The following EDARADD variants were observed in gnomAD, a reference collection of about 807,000 sequenced individuals.
The protein encoded by EDARADD is ectodysplasin-A receptor-associated adapter protein.
In EDARADD, 20 loss-of-function variants were observed where a neutral mutation model predicts 25.6. That is an observed-to-expected ratio of 0.78 (90% CI 0.55 to 1.14). The LOEUF (loss-of-function observed/expected upper bound fraction) is 1.14. Among genes scored for constraint, EDARADD ranks in the 50% most tolerant of loss-of-function variants. EDARADD has a pLI of 0.00. For missense variants in EDARADD, 225 were observed against 270.1 expected (o/e 0.83, Z 1.17); for synonymous variants, 86 against 94.4 (o/e 0.91, Z 0.52).
chr1:236,426,881 T>C (rs1657933892), intron 3 of EDARADD, among the ~76,000 whole-genome samples: 1 of 152,108 alleles, frequency 6.6e-6, no homozygotes, highest in Non-Finnish European at 1.5e-5. Context: ...ACCCTCTGTC[T>C]CTTATTTTTA....
chr1:236,386,905 C>A (rs1322899905), intron 3 of EDARADD, among the ~76,000 whole-genome samples: 21 of 65,208 alleles, frequency 3.2e-4, no homozygotes, highest in East Asian at 2.0e-3. Flanking sequence ...CCAGCCGTGC[C>A]GTCCGGGAGG....
chr1:236,429,219 ATT>A lies in EDARADD; in HGVS notation c.219+1787_219+1788del, dbSNP rs754804481. ...GGGAGCGGGAGCGGGAGAGGGAGAG[ATT>A]TTTTTTTTTTTTTTTTTGAGGCAGT... On this transcript the variant is annotated intron_variant, in intron 4 of 5. Transcript: ENST00000334232. Among the ~76,000 whole-genome samples, 205 of 122,106 alleles carry A rather than the reference ATT, an allele frequency of 1.7e-3. 1 individual carries two copies. Among genetic ancestry groups the A allele is most frequent in the South Asian group, 0.016 (58 of 3,708 alleles). The allele number at this position is 122,106 out of a possible 152,430, so 80.1% of individuals were successfully genotyped here. A position where few individuals can be genotyped will look rare whatever the true frequency, so the allele number is the denominator to read the frequency against.
At chr1:236,357,146 A>T (rs644495) in intron 3 of EDARADD, among the ~76,000 whole-genome samples, 52,254 of 151,184 alleles carry the variant, frequency 0.35, 9,307 homozygotes, top group African/African-American at 0.44. Context: ...TTTCATTAAA[A>T]CTTAATCTTT....
Position 236,467,449 on chromosome 1 carries a change from CACACACAT to C in EDARADD, c.220-774_220-767del, listed in dbSNP as rs1553270579. Among the ~76,000 whole-genome samples the C allele has an allele frequency of 7.6e-3, 1,147 of 151,564 alleles. 24 individuals are homozygous for C. The highest frequency in any genetic ancestry group is 0.026 in the African/African-American group (1,092 of 41,280). On this transcript the variant is annotated intron_variant, in intron 4 of 5. Coordinates refer to ENST00000334232, the MANE Select transcript of EDARADD (RefSeq NM_145861.4). The stretch of plus-strand genomic sequence containing the variant: ...GCGCACACACACACACACACACACA[CACACACAT>C]ACACACACCTGTCCAAGATCAGAAA...
At chr1:236,473,099 G>C (rs79979307) in intron 5 of EDARADD, among the ~76,000 whole-genome samples, 24,658 of 152,182 alleles carry the variant, frequency 0.16, 2,566 homozygotes, top group Non-Finnish European at 0.23. Flanking sequence ...CTGTGTGCCT[G>C]GTGTGCAGCA....
chr1:236,407,466 A>G (rs1446396290), intron 1 of EDARADD, among the ~76,000 whole-genome samples: 1 of 150,400 alleles, frequency 6.6e-6, no homozygotes, highest in African/African-American at 2.5e-5. Context: ...TGCAGGGCAA[A>G]GAAACTGTGG....
chr1:236,390,277 C>T (rs925179233), upstream of EDARADD, among the ~76,000 whole-genome samples: 1 of 152,122 alleles, frequency 6.6e-6, no homozygotes, highest in Non-Finnish European at 1.5e-5. Context: ...TACTCATGGC[C>T]GGGCGTGGTG....
chr1:236,428,667 A>C (rs79036775), intron 4 of EDARADD, among the ~76,000 whole-genome samples: 48,398 of 120,708 alleles, frequency 0.4, 12,166 homozygotes, highest in Non-Finnish European at 0.55. Context: ...GGCGGCCGGG[A>C]AGAGGCGCTC....
At chr1:236,462,747 C>G (rs1330990990) in intron 4 of EDARADD, among the ~76,000 whole-genome samples, 5 of 152,224 alleles carry the variant, frequency 3.3e-5, no homozygotes, top group Non-Finnish European at 5.9e-5. Context: ...TCAAAGAATT[C>G]TTGGCAGCAG....
chr1:236,436,382 T>C (rs1263437232), intron 4 of EDARADD, among the ~76,000 whole-genome samples: 1 of 152,010 alleles, frequency 6.6e-6, no homozygotes, highest in Non-Finnish European at 1.5e-5. Context: ...GACTGGTCTC[T>C]AACTCCTGGC....
intron 3 of EDARADD, among the ~76,000 whole-genome samples, chr1:236,424,776 C>T (rs1432424111): frequency 2.6e-5 from 4 of 152,292 alleles, no homozygotes; most frequent in East Asian, 1.9e-4. Context: ...TAAGCTGCAG[C>T]GTGGTCCAGC....
Position 236,484,111 on chromosome 1 carries a change from T to C in EDARADD, c.*1462T>C. 2 of 1,561,996 alleles carry C rather than the reference T, an allele frequency of 1.3e-6. No homozygotes were observed. The highest frequency in any genetic ancestry group is 1.8e-6 in the Non-Finnish European group (2 of 1,133,888). On this transcript the variant is annotated 3_prime_UTR_variant, in exon 6 of 6. Coordinates refer to ENST00000334232, the MANE Select transcript of EDARADD (RefSeq NM_145861.4). The surrounding 1 kb of genome is among the most constrained non-coding windows in gnomAD (Gnocchi z 4.1). ...ACGGCCAGTGCAGGAATCCAGGTAG[T>C]GGAGGATGATCTCAGAGTGACCAAC...
At chr1:236,470,846 G>A (rs190058202) in intron 5 of EDARADD, among the ~76,000 whole-genome samples, 1 of 152,090 alleles carries the variant, frequency 6.6e-6, no homozygotes, top group African/African-American at 2.4e-5. Flanking sequence ...CACCTCAGAC[G>A]ATCCACCCAC....
chr1:236,375,935 C>CT (rs35653732), intron 3 of EDARADD, among the ~76,000 whole-genome samples: 1,889 of 120,178 alleles, frequency 0.016, 57 homozygotes, highest in African/African-American at 0.049. Context: ...TTACCTGCAC[C>CT]TTTTTTTTTT....
At chr1:236,459,770 A>G (rs1571948994) in intron 4 of EDARADD, among the ~76,000 whole-genome samples, 1 of 151,558 alleles carries the variant, frequency 6.6e-6, no homozygotes, top group Non-Finnish European at 1.5e-5. Context: ...CCACCGCCAC[A>G]CCCAGCCAAT....
At chr1:236,402,374 A>G (rs1667628237) in intron 1 of EDARADD, among the ~76,000 whole-genome samples, 1 of 152,044 alleles carries the variant, frequency 6.6e-6, no homozygotes, top group African/African-American at 2.4e-5. Flanking sequence ...CCTGGGTAAC[A>G]TAGTGAGACC....
intron 3 of EDARADD, among the ~76,000 whole-genome samples, chr1:236,361,635 T>TTTTATATATATATATA (rs368920343): frequency 7.5e-6 from 1 of 134,166 alleles, no homozygotes; most frequent in East Asian, 2.2e-4. Context: ...CAGCCAAATT[T>TTTTATATATATATATA]TATATATATA....
At chr1:236,424,865 T>C (rs1216025810) in intron 3 of EDARADD, among the ~76,000 whole-genome samples, 1 of 152,244 alleles carries the variant, frequency 6.6e-6, no homozygotes, top group East Asian at 1.9e-4. Context: ...ATGAGGGTTT[T>C]CCTTAATTAA....
chr1:236,430,329 C>T (rs966649613), intron 4 of EDARADD, among the ~76,000 whole-genome samples: 1 of 152,150 alleles, frequency 6.6e-6, no homozygotes, highest in Admixed American at 6.5e-5. Context: ...AATTTTTAAA[C>T]AAAATTTTGC....
Sources: allele counts gnomAD v4.1 joint callset (sites outside exome capture counted in the v4.1 genomes callset), GRCh38; gene constraint gnomAD v4.1.1; non-coding constraint Gnocchi (gnomAD v3.1); transcripts MANE v1.5; gene names NCBI Gene and HGNC (gene_info 2026-07-23, HGNC 2026-07-21).